Variants in ETF1 observed in about 807,000 individuals in gnomAD.
ETF1 encodes eukaryotic translation termination factor 1.
ETF1 carries 4 observed loss-of-function variants against 55.1 expected under a neutral mutation model. The ratio of observed to expected loss-of-function variants is 0.07; its 90% CI spans 0.04 to 0.17. The LOEUF (loss-of-function observed/expected upper bound fraction) is 0.17. Among genes scored for constraint, ETF1 ranks in the 10% least tolerant of loss-of-function variants. The pLI, the probability that ETF1 is intolerant of heterozygous loss-of-function variation, is 1.00. For synonymous variants in ETF1, 157 were observed against 182.3 expected (o/e 0.86, Z 1.12); for missense variants, 142 against 523.6 (o/e 0.27, Z 7.11).
chr5:138,511,927 G>A, intron 6 of ETF1: 1 of 983,040 alleles, frequency 1.0e-6, no homozygotes, highest in Non-Finnish European at 1.2e-6. Context: ...GCTGGGGAGG[G>A]TGGCTCACAC....
intron 2 of ETF1, among the ~76,000 whole-genome samples, chr5:138,527,716 C>A (rs1482722442): frequency 2.0e-5 from 3 of 151,144 alleles, no homozygotes; most frequent in Admixed American, 6.6e-5. Flanking sequence ...CTGGCTTATG[C>A]TTGGTAAGCC....
Position 138,543,136 on chromosome 5 carries a change from C to A in ETF1, c.-58G>T, listed in dbSNP as rs1310542320. ...CTGGGCGGCAGCGGCTGCTCCTCCC[C>A]GGCGGCGGCTCCGCGGCGGCGGCGG... is the stretch of plus-strand genomic sequence containing the variant. On this transcript the variant is annotated 5_prime_UTR_variant, in exon 1 of 11. Transcript: ENST00000360541. 2 of 580,878 alleles carry A rather than the reference C, an allele frequency of 3.4e-6. No individual in the cohort carries two copies. The highest frequency in any genetic ancestry group is 6.0e-6 in the Non-Finnish European group (2 of 332,758). The allele number at this position is 580,878 out of a possible 1,614,324, so 36.0% of individuals were successfully genotyped here. A position where few individuals can be genotyped will look rare whatever the true frequency, so the allele number is the denominator to read the frequency against.
At chr5:138,537,161 G>C (rs920370102) in intron 2 of ETF1, among the ~76,000 whole-genome samples, 2 of 152,100 alleles carry the variant, frequency 1.3e-5, no homozygotes, top group African/African-American at 4.8e-5. Flanking sequence ...AGGAAACTAA[G>C]GACCACCACC....
chr5:138,508,158 T>C lies in ETF1; in HGVS notation c.*147A>G. The C allele has an allele frequency of 9.4e-7, 1 of 1,058,592 alleles. No individual in the cohort carries two copies. Among genetic ancestry groups the C allele is most frequent in the Non-Finnish European group, 1.3e-6 (1 of 760,316 alleles). 65.6% of individuals were successfully genotyped at this position (1,058,592 alleles called of 1,614,324 possible). On this transcript the variant is annotated 3_prime_UTR_variant, in exon 11 of 11. Coordinates refer to ENST00000360541, the MANE Select transcript of ETF1 (RefSeq NM_004730.4). ...GGGCTGGGTCTGGTTTTGTTTCGGT[T>C]TTCTTTTCAATATCCAATGCTCATG...
intron 1 of ETF1, 24 bp downstream of exon 1, chr5:138,543,073 G>A (rs1403265801): frequency 5.4e-6 from 4 of 734,422 alleles, no homozygotes; most frequent in African/African-American, 5.3e-5. Context: ...AAAGGTCACC[G>A]GCCTTTCCCT....
intron 2 of ETF1, chr5:138,529,682 A>G (rs1242049487): frequency 1.0e-6 from 1 of 984,802 alleles, no homozygotes; most frequent in Non-Finnish European, 1.2e-6. Context: ...TTAACGTCTG[A>G]AAAATCAAAC....
intron 2 of ETF1, among the ~76,000 whole-genome samples, chr5:138,536,250 T>C (rs1765924065): frequency 6.6e-6 from 1 of 152,190 alleles, no homozygotes; most frequent in Admixed American, 6.5e-5. Flanking sequence ...AAGGAGATCT[T>C]AGAAGAACAA....
chr5:138,523,866 G>A (rs1199815083), intron 2 of ETF1, among the ~76,000 whole-genome samples: 1 of 151,848 alleles, frequency 6.6e-6, no homozygotes, highest in Non-Finnish European at 1.5e-5. Context: ...GGAGTTTTGA[G>A]ACCAGCCTGT....
intron 2 of ETF1, among the ~76,000 whole-genome samples, chr5:138,538,391 T>C (rs898551133): frequency 6.6e-6 from 1 of 152,120 alleles, no homozygotes; most frequent in Admixed American, 6.5e-5. Context: ...GGTTTCACCA[T>C]GTTGGCTAGG....
chr5:138,521,288 G>C (rs575068775), intron 2 of ETF1, among the ~76,000 whole-genome samples: 1 of 152,302 alleles, frequency 6.6e-6, no homozygotes, highest in East Asian at 1.9e-4. Flanking sequence ...AGTTCATAGA[G>C]ACAGAGAGTA....
In ETF1 at chr5:138,517,943, T is replaced by G. The variant is rs956700748; in HGVS notation, c.263-243A>C. 10 of 958,252 alleles carry G rather than the reference T, an allele frequency of 1.0e-5. No homozygotes were observed. The African/African-American group carries it at 1.4e-4, about 14-fold the overall frequency. 59.4% of individuals were successfully genotyped at this position (958,252 alleles called of 1,614,324 possible). A position where few individuals can be genotyped will look rare whatever the true frequency, so the allele number is the denominator to read the frequency against. On this transcript the variant is annotated intron_variant, in intron 3 of 10. Coordinates refer to ENST00000360541, the MANE Select transcript of ETF1 (RefSeq NM_004730.4). Reference sequence around the variant, plus strand: ...GCTGGACGTGGTGGTGGCTCACGCCTGTAATCCCAGCACTCTGGGAGGCCG... The same window carrying G: ...GCTGGACGTGGTGGTGGCTCACGCCGGTAATCCCAGCACTCTGGGAGGCCG...
intron 2 of ETF1, among the ~76,000 whole-genome samples, chr5:138,523,947 C>A (rs943312477): frequency 6.6e-6 from 1 of 152,078 alleles, no homozygotes; most frequent in African/African-American, 2.4e-5. Context: ...GAGGCCGAGG[C>A]AGGCAGATCA....
chr5:138,538,547 G>A (rs1766043046), intron 2 of ETF1, among the ~76,000 whole-genome samples: 2 of 152,086 alleles, frequency 1.3e-5, no homozygotes, highest in Admixed American at 1.3e-4. Context: ...GGCATGGAAA[G>A]AGCCAGAATA....
intron 9 of ETF1, 78 bp downstream of exon 9, chr5:138,510,487 C>T (rs1221255734): frequency 9.4e-7 from 1 of 1,068,964 alleles, no homozygotes; most frequent in Non-Finnish European, 1.4e-6. Flanking sequence ...TCCCAAAGCT[C>T]ACCCTCTACA....
chr5:138,536,935 C>CT (rs1200162537), intron 2 of ETF1, among the ~76,000 whole-genome samples: 2 of 152,194 alleles, frequency 1.3e-5, no homozygotes, highest in African/African-American at 4.8e-5. Flanking sequence ...AAATGATACT[C>CT]TAATTATGTA....
chr5:138,511,620 A>G lies in ETF1; in HGVS notation c.733-16T>C, dbSNP rs1318792716. The G allele has an allele frequency of 6.3e-7, 1 of 1,591,032 alleles. No homozygotes were observed. The highest frequency in any genetic ancestry group is 8.6e-7 in the Non-Finnish European group (1 of 1,169,348). Reference sequence around the variant, plus strand: ...ATTGTAACCTCTAACACACAAAAAAAATATTATTAGTACTTACTGGTACTT... The same window carrying G: ...ATTGTAACCTCTAACACACAAAAAAGATATTATTAGTACTTACTGGTACTT... On this transcript the variant is annotated splice_polypyrimidine_tract_variant and intron_variant, in intron 6 of 10. Coordinates refer to ENST00000360541, the MANE Select transcript of ETF1 (RefSeq NM_004730.4).
intron 6 of ETF1, among the ~76,000 whole-genome samples, chr5:138,512,192 A>G (rs1764811249): frequency 1.4e-5 from 1 of 72,078 alleles, no homozygotes; most frequent in Non-Finnish European, 2.4e-5. Flanking sequence ...AGCCAGACCC[A>G]GTCTCAAAAA....
intron 2 of ETF1, among the ~76,000 whole-genome samples, chr5:138,528,240 G>A (rs972610462): frequency 2.6e-5 from 4 of 152,180 alleles, no homozygotes; most frequent in African/African-American, 4.8e-5. Context: ...GATTTGGAAC[G>A]TTTAAGGCTA....
chr5:138,512,259 T>TATATTA (rs57032066), intron 6 of ETF1, among the ~76,000 whole-genome samples: 2 of 15,796 alleles, frequency 1.3e-4, no homozygotes, highest in African/African-American at 5.8e-4. Context: ...TATATATATA[T>TATATTA]TTTTTTTTTT....
Sources: allele counts gnomAD v4.1 joint callset (sites outside exome capture counted in the v4.1 genomes callset), GRCh38; gene constraint gnomAD v4.1.1; transcripts MANE v1.5; gene names NCBI Gene and HGNC (gene_info 2026-07-23, HGNC 2026-07-21).